Variants in MTMR12 observed in about 807,000 individuals in gnomAD.
MTMR12 encodes the protein myotubularin-related protein 12.
A neutral mutation model predicts 96.7 loss-of-function variants in MTMR12; 33 were observed. The ratio of observed to expected loss-of-function variants is 0.34; its 90% CI spans 0.26 to 0.46. The LOEUF (loss-of-function observed/expected upper bound fraction) is 0.46. Among genes scored for constraint, MTMR12 ranks in the 20% least tolerant of loss-of-function variants. The probability of loss-of-function intolerance (pLI) is 1.00; values close to 1 mark genes in which losing one functional copy is unlikely to be tolerated. For missense variants in MTMR12, 721 were observed against 896.1 expected (o/e 0.80, Z 2.49); for synonymous variants, 298 against 327.2 (o/e 0.91, Z 0.96).
Position 32,243,578 on chromosome 5 carries a change from T to A in MTMR12, c.1043A>T (p.Asp348Val), listed in dbSNP as rs765520082. The part of the protein sequence containing the change: ...FLIDNSTEFW[D>V]TDIKWFSLLE... Reference sequence around the variant, plus strand: ...CAGAGAAAACCATTTTATATCTGTGTCCCAAAATTCAGTACTGTTATCTGA... The same window carrying A: ...CAGAGAAAACCATTTTATATCTGTGACCCAAAATTCAGTACTGTTATCTGA... Residue 348 changes from aspartate to valine, a missense_variant, in exon 11 of 16, where the codon GAC (aspartate) becomes GTC (valine). Asp to Val is a radical substitution (Grantham distance 152). Transcript: ENST00000382142. 3 of 1,610,624 alleles carry A rather than the reference T, an allele frequency of 1.9e-6. No individual in the cohort carries two copies. In the East Asian group the frequency reaches 6.7e-5, roughly 36 times the overall value.
chr5:32,310,547 G>A (rs1408232945), intron 1 of MTMR12, among the ~76,000 whole-genome samples: 2 of 152,186 alleles, frequency 1.3e-5, no homozygotes, highest in African/African-American at 4.8e-5. Flanking sequence ...TACGCCAGGC[G>A]CAGAAAGACA....
chr5:32,263,999 G>T (rs1749487334), intron 6 of MTMR12, among the ~76,000 whole-genome samples: 1 of 152,180 alleles, frequency 6.6e-6, no homozygotes, highest in Non-Finnish European at 1.5e-5. Flanking sequence ...TGCACTGCTT[G>T]TAAGAGGATT....
intron 7 of MTMR12, among the ~76,000 whole-genome samples, chr5:32,259,712 T>C (rs989917588): frequency 9.2e-5 from 14 of 152,166 alleles, no homozygotes; most frequent in African/African-American, 3.4e-4. Context: ...CAAGGACACC[T>C]GACTTAGCCT....
At chr5:32,279,695 G>A (rs1041451086) in intron 1 of MTMR12, among the ~76,000 whole-genome samples, 13 of 152,210 alleles carry the variant, frequency 8.5e-5, no homozygotes, top group East Asian at 1.9e-4. Context: ...TTGGTTTCAC[G>A]GAAGACAATT....
At chr5:32,286,734 T>TCTCAAGC (rs1237342232) in intron 1 of MTMR12, among the ~76,000 whole-genome samples, 5 of 152,132 alleles carry the variant, frequency 3.3e-5, no homozygotes, top group Non-Finnish European at 5.9e-5. Flanking sequence ...AAGAAATGGG[T>TCTCAAGC]CTCAAGCCTT....
At chr5:32,279,294 C>T (rs1431828570) in intron 1 of MTMR12, among the ~76,000 whole-genome samples, 2 of 151,724 alleles carry the variant, frequency 1.3e-5, no homozygotes, top group Non-Finnish European at 2.9e-5. Flanking sequence ...GTAGTACACA[C>T]CTGAAGTCCC....
At chr5:32,261,173 C>T (rs1377245357) in intron 7 of MTMR12, among the ~76,000 whole-genome samples, 3 of 151,818 alleles carry the variant, frequency 2.0e-5, no homozygotes, top group East Asian at 2.0e-4. Flanking sequence ...GCAGAGGTTG[C>T]GGTGAGCCGA....
At chr5:32,253,708 G>C (rs867435137) in intron 8 of MTMR12, among the ~76,000 whole-genome samples, 5 of 152,168 alleles carry the variant, frequency 3.3e-5, no homozygotes, top group African/African-American at 1.2e-4. Flanking sequence ...CTGCAGCTTC[G>C]AACTCCTGGC....
chr5:32,264,426 C>A (rs1459019852), intron 6 of MTMR12, among the ~76,000 whole-genome samples: 1 of 151,802 alleles, frequency 6.6e-6, no homozygotes, highest in Admixed American at 6.6e-5. Context: ...GCTTATATAG[C>A]ACTTACTAGG....
At chr5:32,283,933 T>C (rs1475384745) in intron 1 of MTMR12, among the ~76,000 whole-genome samples, 1 of 152,168 alleles carries the variant, frequency 6.6e-6, no homozygotes, top group Admixed American at 6.5e-5. Flanking sequence ...AAGAGTTCAA[T>C]GGGACTCCAG....
chr5:32,262,529 C>A (rs1032576223), intron 7 of MTMR12, among the ~76,000 whole-genome samples: 6 of 152,184 alleles, frequency 3.9e-5, no homozygotes, highest in African/African-American at 1.2e-4. Flanking sequence ...TGAGCCGAGA[C>A]GGAGGTTGCA....
Position 32,286,041 on chromosome 5 carries a change from G to A in MTMR12, c.82-9299C>T, listed in dbSNP as rs78998806. ...AACATGTTAAGTACCAAACGCTAAG[G>A]ATAAAATGATGAATAAGGCCAGGCA... On this transcript the variant is annotated intron_variant, in intron 1 of 15. Coordinates refer to ENST00000382142, the MANE Select transcript of MTMR12 (RefSeq NM_001040446.3). Among the ~76,000 whole-genome samples, 831 of 152,192 alleles carry A rather than the reference G, an allele frequency of 5.5e-3. 3 individuals carry two copies. The highest frequency in any genetic ancestry group is 8.5e-3 in the Non-Finnish European group (578 of 68,014).
chr5:32,276,698 A>C lies in MTMR12; in HGVS notation c.126T>G (p.Thr42=). ...GACAGTTACCTGGCAACAAGTGAAG[A>C]GTTACTTCCTTCTCTGTTACTTCCT... ...NEKEVTEKEV[T]LHLLPGEQLL... The change falls in exon 2 of 16, where the codon ACT becomes ACG. Residue 42 remains threonine (T), a synonymous_variant. Coordinates refer to ENST00000382142, the MANE Select transcript of MTMR12 (RefSeq NM_001040446.3). 1 of 1,613,820 alleles carries C rather than the reference A, an allele frequency of 6.2e-7. No homozygotes were observed. Among genetic ancestry groups the C allele is most frequent in the East Asian group, 2.2e-5 (1 of 44,860 alleles).
chr5:32,305,720 G>A lies in MTMR12; in HGVS notation c.81+7038C>T, dbSNP rs191952591. Among the ~76,000 whole-genome samples the A allele has an allele frequency of 1.1e-4, 16 of 152,204 alleles. 1 individual carries two copies. Among genetic ancestry groups the A allele is most frequent in the Admixed American group, 6.5e-4 (10 of 15,290 alleles). Reference sequence around the variant, plus strand: ...GGAGTTCGAGACCAGCCTGACCAACGTGGAGAAATCCTGTCTCTACTAAAA... The same window carrying A: ...GGAGTTCGAGACCAGCCTGACCAACATGGAGAAATCCTGTCTCTACTAAAA... On this transcript the variant is annotated intron_variant, in intron 1 of 15. Transcript: ENST00000382142.
intron 7 of MTMR12, among the ~76,000 whole-genome samples, chr5:32,258,197 T>C (rs1472914837): frequency 6.6e-5 from 10 of 152,268 alleles, no homozygotes; most frequent in South Asian, 4.1e-4. Flanking sequence ...AAGATTGTGA[T>C]AGAAAACCAG....
rs193295024 is a variant in MTMR12, at chr5:32,298,634, C to T, written c.81+14124G>A. Among the ~76,000 whole-genome samples the T allele has an allele frequency of 1.8e-3, 275 of 152,214 alleles. 1 individual carries two copies. Among genetic ancestry groups the T allele is most frequent in the African/African-American group, 6.3e-3 (263 of 41,558 alleles). ...GGGACAGCATGCCTGGCTCCAGACACACACTTAGAGTGCCAGAGAAGAACA... is the reference window on the plus strand; with the variant it reads ...GGGACAGCATGCCTGGCTCCAGACATACACTTAGAGTGCCAGAGAAGAACA... On this transcript the variant is annotated intron_variant, in intron 1 of 15. Coordinates refer to ENST00000382142, the MANE Select transcript of MTMR12 (RefSeq NM_001040446.3).
intron 2 of MTMR12, among the ~76,000 whole-genome samples, chr5:32,275,049 C>T (rs888032311): frequency 6.6e-6 from 1 of 152,112 alleles, no homozygotes; most frequent in Non-Finnish European, 1.5e-5. Flanking sequence ...ACCATCTTCT[C>T]CTTGGAATCT....
intron 6 of MTMR12, among the ~76,000 whole-genome samples, chr5:32,266,715 A>C (rs1446866167): frequency 7.3e-5 from 11 of 151,680 alleles, no homozygotes; most frequent in African/African-American, 1.5e-4. Context: ...ACAACAACAA[A>C]AAAAAACTGC....
chr5:32,231,639 T>C (rs1188411974), intron 15 of MTMR12, among the ~76,000 whole-genome samples: 1 of 152,114 alleles, frequency 6.6e-6, no homozygotes, highest in Non-Finnish European at 1.5e-5. Context: ...TTCCTTATTA[T>C]GAAATATGGA....
Sources: allele counts gnomAD v4.1 joint callset (sites outside exome capture counted in the v4.1 genomes callset), GRCh38; gene constraint gnomAD v4.1.1; transcripts MANE v1.5; gene names NCBI Gene and HGNC (gene_info 2026-07-23, HGNC 2026-07-21).